OLFM1: variants seen among roughly 807,000 people sequenced by gnomAD.
OLFM1 encodes the protein olfactomedin 1.
In OLFM1, 9 loss-of-function variants were observed where a neutral mutation model predicts 49.7. The observed-to-expected ratio is 0.18, with a 90% CI of 0.11 to 0.32. The LOEUF is 0.32. Among genes scored for constraint, OLFM1 ranks in the 10% least tolerant of loss-of-function variants. The pLI, the probability that OLFM1 is intolerant of heterozygous loss-of-function variation, is 1.00. For synonymous variants in OLFM1, 240 were observed against 271.8 expected, an observed-to-expected ratio of 0.88 and a Z score of 1.15; for missense variants, 369 against 661.8, an observed-to-expected ratio of 0.56 and a Z score of 4.85.
At chr9:135,079,089 T>A (rs1457435148) in intron 1 of OLFM1, among the ~76,000 whole-genome samples, 2 of 152,226 alleles carry the variant, frequency 1.3e-5, no homozygotes, top group Non-Finnish European at 2.9e-5. Flanking sequence ...GCTTACAATG[T>A]TAAGTGAGTC....
chr9:135,111,624 G>C (rs575336055), intron 5 of OLFM1, among the ~76,000 whole-genome samples: 1 of 152,162 alleles, frequency 6.6e-6, no homozygotes, highest in Non-Finnish European at 1.5e-5. Flanking sequence ...TGTGGGTGGC[G>C]TGGTTCAGAG....
rs567402131 is a variant in OLFM1, at chr9:135,120,575, C to T, written c.*397C>T. 7.9e-4 allele frequency: 177 copies of T among 223,502 alleles called. 1 individual carries two copies. The highest frequency in any genetic ancestry group is 4.0e-3 in the African/African-American group (171 of 43,088). 13.8% of individuals were successfully genotyped at this position (223,502 alleles called of 1,614,324 possible). A position where few individuals can be genotyped will look rare whatever the true frequency, so the allele number is the denominator to read the frequency against. On this transcript the variant is annotated 3_prime_UTR_variant, in exon 6 of 6. Coordinates refer to ENST00000371793, the MANE Select transcript of OLFM1 (RefSeq NM_001282611.2). ...CTCCGAGGAATGTGGCGTCCAGGCT[C>T]TTTGAGAGCCATGGGCTGCACCCGG...
chr9:135,119,137 T>C (rs750259626), intron 5 of OLFM1, among the ~76,000 whole-genome samples: 1,152 of 116,006 alleles, frequency 9.9e-3, no homozygotes, highest in Middle Eastern at 0.028. Context: ...GAGTACTCGT[T>C]GTGTCTTTGG....
rs765554691 is a variant in OLFM1 at position 135,098,552 on chromosome 9, G to T, written c.676+47G>T. 3 of 1,529,190 alleles carry T rather than the reference G, an allele frequency of 2.0e-6. No homozygotes were observed. Among genetic ancestry groups the T allele is most frequent in the Admixed American group, 3.4e-5 (2 of 59,506 alleles). The allele number at this position is 1,529,190 out of a possible 1,614,324, so 94.7% of individuals were successfully genotyped here. The stretch of plus-strand genomic sequence containing the variant: ...ACGTGGCGCTGCACTGCCCACCTCC[G>T]GCACACGCACAGGCTTAGGGAGTGG... On this transcript the variant is annotated intron_variant, in intron 4 of 5. Coordinates refer to ENST00000371793, the MANE Select transcript of OLFM1 (RefSeq NM_001282611.2). This position sits in a 1 kb window ranked among gnomAD's most constrained non-coding sequence, Gnocchi z 5.6.
chr9:135,091,099 A>T (rs1830679302), intron 2 of OLFM1, among the ~76,000 whole-genome samples: 1 of 152,246 alleles, frequency 6.6e-6, no homozygotes, highest in Non-Finnish European at 1.5e-5. Flanking sequence ...AACAGCTGTT[A>T]GTAGGGAAGT....
At chr9:135,091,489 TCA>T (rs201470727) in intron 2 of OLFM1, among the ~76,000 whole-genome samples, 35 of 103,210 alleles carry the variant, frequency 3.4e-4, no homozygotes, top group South Asian at 2.3e-3. Flanking sequence ...TCACACATAG[TCA>T]CACACACATT....
chr9:135,108,892 G>A (rs918378223), intron 5 of OLFM1, among the ~76,000 whole-genome samples: 8 of 152,054 alleles, frequency 5.3e-5, no homozygotes, highest in African/African-American at 1.9e-4. Context: ...TCTGCAGCAT[G>A]CACTGACACT....
chr9:135,109,516 C>T (rs1449022181), intron 5 of OLFM1, among the ~76,000 whole-genome samples: 2 of 152,128 alleles, frequency 1.3e-5, no homozygotes, highest in African/African-American at 4.8e-5. Flanking sequence ...GCAGAGGAGC[C>T]ACCCGGAGCC....
rs963563262 is a variant in OLFM1 at position 135,120,996 on chromosome 9, T to A, written c.*818T>A. 2.0e-5 allele frequency: 3 copies of A among 152,568 alleles called. No homozygotes were observed. The highest frequency in any genetic ancestry group is 4.4e-5 in the Non-Finnish European group (3 of 68,040). The allele number at this position is 152,568 out of a possible 1,614,324, so 9.5% of individuals were successfully genotyped here. A position where few individuals can be genotyped will look rare whatever the true frequency, so the allele number is the denominator to read the frequency against. ...AATAATCAAAGGAATTACTCTCTTC[T>A]TGTTAAATTAGCTAAATCATGTAAC... On this transcript the variant is annotated 3_prime_UTR_variant, in exon 6 of 6. Coordinates refer to ENST00000371793, the MANE Select transcript of OLFM1 (RefSeq NM_001282611.2).
At chr9:135,097,927 C>A in intron 3 of OLFM1, 1 of 1,502,328 alleles carries the variant, frequency 6.7e-7, no homozygotes, top group Non-Finnish European at 8.8e-7. Flanking sequence ...ACTAAGGAAC[C>A]TTGAATACAA....
chr9:135,115,062 C>T (rs963563875), intron 5 of OLFM1, among the ~76,000 whole-genome samples: 6 of 152,310 alleles, frequency 3.9e-5, no homozygotes, highest in South Asian at 2.1e-4. Context: ...ACAATTTCCC[C>T]GCTGGAGCTT....
intron 4 of OLFM1, among the ~76,000 whole-genome samples, chr9:135,101,969 G>C (rs1830876534): frequency 6.6e-6 from 1 of 151,460 alleles, no homozygotes; most frequent in Non-Finnish European, 1.5e-5. Context: ...CCAAAGCCTG[G>C]GAAGCCCCCA....
At chr9:135,096,571 A>G (rs1003846169) in intron 3 of OLFM1, among the ~76,000 whole-genome samples, 14 of 152,370 alleles carry the variant, frequency 9.2e-5, no homozygotes, top group African/African-American at 3.4e-4. Context: ...CTCGCCCCCA[A>G]GCCCCCGTCA....
At chr9:135,086,695 G>T (rs1272880088), upstream of OLFM1, 1 of 456,018 alleles carries the variant, frequency 2.2e-6, no homozygotes, top group East Asian at 7.0e-5. Flanking sequence ...ACCCAGTCAG[G>T]CCTGCGCTTC....
chr9:135,093,675 T>G (rs550649205), intron 2 of OLFM1, among the ~76,000 whole-genome samples: 1 of 152,254 alleles, frequency 6.6e-6, no homozygotes, highest in African/African-American at 2.4e-5. Flanking sequence ...ACCCTGAGCC[T>G]GCCAGTTGGC....
At chr9:135,103,641 C>G (rs1364189210) in intron 4 of OLFM1, among the ~76,000 whole-genome samples, 1 of 152,218 alleles carries the variant, frequency 6.6e-6, no homozygotes, top group Non-Finnish European at 1.5e-5. Context: ...GCAGAGCCGC[C>G]CTCTGGAGAG....
chr9:135,087,427 C>T (rs1323646680), upstream of OLFM1: 10 of 1,544,448 alleles, frequency 6.5e-6, no homozygotes, highest in Non-Finnish European at 8.7e-6. Context: ...AGCTGGAGTC[C>T]CCGCGCCGCC....
At position 135,076,104 on chromosome 9, in the gene OLFM1, G is replaced by C. The variant is rs1206304841; in HGVS notation, c.96+302G>C. 14 of 1,541,630 alleles carry C rather than the reference G, an allele frequency of 9.1e-6. No homozygotes were observed. In the South Asian group the frequency reaches 1.3e-4, roughly 15 times the overall value. On this transcript the variant is annotated intron_variant, in intron 1 of 5. Transcript: ENST00000252854. ...TGCTGAGAAGTTCAAAGGGCAGCACGAGGGGGTCTTTGGCTGCTATTGTCA... is the reference window on the plus strand; with the variant it reads ...TGCTGAGAAGTTCAAAGGGCAGCACCAGGGGGTCTTTGGCTGCTATTGTCA...
Position 135,088,088 on chromosome 9 carries a change from C to T in OLFM1, c.99C>T (p.Asn33=), listed in dbSNP as rs1202869150. Residue 33 remains asparagine, a synonymous_variant, in exon 1 of 6, where the codon AAC becomes AAT. Coordinates refer to ENST00000371793, the MANE Select transcript of OLFM1 (RefSeq NM_001282611.2). This position sits in a 1 kb window ranked among gnomAD's most constrained non-coding sequence, Gnocchi z 4.8. The stretch of plus-strand genomic sequence containing the variant: ...CGCTGCCCTCGCTGGTGGGCCTCAA[C>T]ACCACCAAGCTCTCGGCGGCCGGCG... ...SQTLPSLVGL[N]TTKLSAAGGG... The T allele has an allele frequency of 7.0e-7, 1 of 1,432,684 alleles. No homozygotes were observed. The highest frequency in any genetic ancestry group is 9.3e-7 in the Non-Finnish European group (1 of 1,078,512). 88.7% of individuals were successfully genotyped at this position (1,432,684 alleles called of 1,614,324 possible).
Sources: gnomAD v4.1 joint callset for allele counts (sites outside exome capture counted in the v4.1 genomes callset) on GRCh38, gnomAD v4.1.1 for gene constraint, Gnocchi (gnomAD v3.1) non-coding constraint, MANE v1.5 for transcripts, NCBI Gene and HGNC (gene_info 2026-07-23, HGNC 2026-07-21) for gene names.